Variants in PTPRO observed in about 807,000 individuals in gnomAD.
PTPRO encodes receptor-type tyrosine-protein phosphatase O.
Under a neutral mutation model 145.2 loss-of-function variants are expected in PTPRO, and 62 were observed. That is an observed-to-expected ratio of 0.43 (90% CI 0.35 to 0.53). The LOEUF is 0.53. Among genes scored for constraint, PTPRO ranks in the 20% least tolerant of loss-of-function variants. The probability of loss-of-function intolerance (pLI) is 0.01; values close to 1 mark genes in which losing one functional copy is unlikely to be tolerated. For synonymous variants in PTPRO, 565 were observed against 514.7 expected (o/e 1.10, Z -1.32); for missense variants, 1,345 against 1,482.7 (o/e 0.91, Z 1.53).
chr12:15,391,916 G>T (rs1332972895), intron 1 of PTPRO, among the ~76,000 whole-genome samples: 2 of 152,102 alleles, frequency 1.3e-5, no homozygotes, highest in African/African-American at 4.8e-5. Context: ...AGCTACTCCA[G>T]ACAGCACCAT....
chr12:15,487,592 C>T (rs186214206), intron 2 of PTPRO, among the ~76,000 whole-genome samples: 260 of 152,066 alleles, frequency 1.7e-3, no homozygotes, highest in African/African-American at 6.0e-3. Flanking sequence ...ATCCCCAGCC[C>T]CCCAGAGGGA....
At chr12:15,530,201 C>A (rs1389407816) in intron 12 of PTPRO, among the ~76,000 whole-genome samples, 1 of 151,962 alleles carries the variant, frequency 6.6e-6, no homozygotes, top group African/African-American at 2.4e-5. Context: ...ATCTATGCAC[C>A]CAACACTGGA....
chr12:15,409,704 T>G (rs939222307), intron 1 of PTPRO, among the ~76,000 whole-genome samples: 19 of 151,856 alleles, frequency 1.3e-4, no homozygotes, highest in Middle Eastern at 6.8e-3. Context: ...GAAGCTTACA[T>G]GTCACTTGGC....
chr12:15,449,043 C>T (rs1232135816), intron 1 of PTPRO, among the ~76,000 whole-genome samples: 4 of 151,576 alleles, frequency 2.6e-5, no homozygotes, highest in South Asian at 4.2e-4. Context: ...ACAAACGATT[C>T]GCAAATAGGG....
chr12:15,542,288 T>C (rs1943196063), intron 12 of PTPRO, among the ~76,000 whole-genome samples: 1 of 152,156 alleles, frequency 6.6e-6, no homozygotes, highest in African/African-American at 2.4e-5. Context: ...GAAGAAGAAT[T>C]ATCTTGGGCC....
At chr12:15,478,966 C>T (rs980475890) in intron 1 of PTPRO, among the ~76,000 whole-genome samples, 2 of 152,078 alleles carry the variant, frequency 1.3e-5, no homozygotes, top group Non-Finnish European at 2.9e-5. Flanking sequence ...CCACCAGGCC[C>T]GGCCATTAAA....
chr12:15,536,586 A>C (rs1288339870), intron 12 of PTPRO, among the ~76,000 whole-genome samples: 6 of 152,068 alleles, frequency 3.9e-5, no homozygotes, highest in Admixed American at 3.9e-4. Flanking sequence ...GAGTGAGATG[A>C]TTCTCCATTG....
At position 15,411,476 on chromosome 12, in the gene PTPRO, G is replaced by C. The variant is rs1268145664; in HGVS notation, c.76-72498G>C. Among the ~76,000 whole-genome samples the C allele has an allele frequency of 2.0e-5, 3 of 152,286 alleles. No individual in the cohort carries two copies. The East Asian group carries it at 5.8e-4, about 29-fold the overall frequency. ...GACATATGCCTTTTGCTTAGAATGG[G>C]AACAGAAAAGGTGAGACTGCCTCTA... On this transcript the variant is annotated intron_variant, in intron 1 of 26. Transcript: ENST00000281171.
chr12:15,386,004 C>G (rs1939016325), intron 1 of PTPRO, among the ~76,000 whole-genome samples: 1 of 151,664 alleles, frequency 6.6e-6, no homozygotes, highest in South Asian at 2.1e-4. Context: ...GGTTATGGAG[C>G]CAGAAATCAC....
chr12:15,408,511 T>C (rs1358266276), intron 1 of PTPRO, among the ~76,000 whole-genome samples: 1 of 152,168 alleles, frequency 6.6e-6, no homozygotes, highest in Non-Finnish European at 1.5e-5. Context: ...CACTGCAAAC[T>C]CCGCCTCCTG....
At chr12:15,517,142 T>G in intron 9 of PTPRO, 186 bp downstream of exon 9, 1 of 677,664 alleles carries the variant, frequency 1.5e-6, no homozygotes, top group East Asian at 2.7e-5. Context: ...AAGAAAGAAG[T>G]TTAATTGGAC....
chr12:15,438,246 G>C (rs1016390501), intron 1 of PTPRO, among the ~76,000 whole-genome samples: 1 of 152,084 alleles, frequency 6.6e-6, no homozygotes, highest in African/African-American at 2.4e-5. Context: ...AAAATTAGAA[G>C]TGCCAGTGTC....
chr12:15,481,523 C>T (rs917155740), intron 1 of PTPRO, among the ~76,000 whole-genome samples: 1 of 152,160 alleles, frequency 6.6e-6, no homozygotes, highest in Non-Finnish European at 1.5e-5. Flanking sequence ...ATTCTCAATG[C>T]CTATCTCATA....
chr12:15,374,533 A>T (rs1283761792), intron 1 of PTPRO, among the ~76,000 whole-genome samples: 1 of 152,160 alleles, frequency 6.6e-6, no homozygotes, highest in Non-Finnish European at 1.5e-5. Flanking sequence ...GGAGCACTGG[A>T]GGGGGCAGTC....
At chr12:15,450,405 C>G (rs1003974650) in intron 1 of PTPRO, among the ~76,000 whole-genome samples, 46 of 152,182 alleles carry the variant, frequency 3.0e-4, no homozygotes, top group African/African-American at 1.1e-3. Flanking sequence ...AATGATTTGA[C>G]TACTTTATAG....
In PTPRO at chr12:15,487,167, G is replaced by A. The variant is rs185236080; in HGVS notation, c.349+2920G>A. Reference sequence around the variant, plus strand: ...GGGACAGAGGATGTTCTTCGTTCTCGTGGTCCAGCCTCAGGCTTAGGCAGA... The same window carrying A: ...GGGACAGAGGATGTTCTTCGTTCTCATGGTCCAGCCTCAGGCTTAGGCAGA... On this transcript the variant is annotated intron_variant, in intron 2 of 26. Coordinates refer to ENST00000281171, the MANE Select transcript of PTPRO (RefSeq NM_030667.3). 5.3e-5 allele frequency among the ~76,000 whole-genome samples: 8 copies of A among 152,200 alleles called. No homozygotes were observed. In the East Asian group the frequency reaches 1.5e-3, roughly 29 times the overall value.
intron 2 of PTPRO, among the ~76,000 whole-genome samples, chr12:15,493,054 C>T (rs1046549206): frequency 6.6e-6 from 1 of 151,970 alleles, no homozygotes; most frequent in Non-Finnish European, 1.5e-5. Flanking sequence ...CATCAGATTA[C>T]TAAGGCTGAA....
rs904982150 is a variant in PTPRO at position 15,526,833 on chromosome 12, A to G, written c.2164+571A>G. Among the ~76,000 whole-genome samples the G allele has an allele frequency of 2.6e-5, 4 of 152,232 alleles. No individual in the cohort carries two copies. The South Asian group carries it at 8.3e-4, about 32-fold the overall frequency. On this transcript the variant is annotated intron_variant, in intron 12 of 26. Transcript: ENST00000281171. ...AATTAAAATGAATAAGTTGGGGTTT[A>G]TAAGAAATAAAAAGATCATTAGTCC... is the stretch of plus-strand genomic sequence containing the variant.
rs1279558195 is a variant in PTPRO, at chr12:15,515,998, T to G, written c.1585+380T>G. Among the ~76,000 whole-genome samples, 37 of 139,934 alleles carry G rather than the reference T, an allele frequency of 2.6e-4. 1 individual carries two copies. In the Middle Eastern group the frequency reaches 0.011, roughly 40 times the overall value. 91.8% of individuals were successfully genotyped at this position (139,934 alleles called of 152,430 possible). A position where few individuals can be genotyped will look rare whatever the true frequency, so the allele number is the denominator to read the frequency against. On this transcript the variant is annotated intron_variant, in intron 8 of 26. Transcript: ENST00000281171. Reference sequence around the variant, plus strand: ...CTGGTTTTTTTTTTGTTTTGTTTTTTTTTTTTTTTGGAGACAGAGTCTCGC... The same window carrying G: ...CTGGTTTTTTTTTTGTTTTGTTTTTGTTTTTTTTTGGAGACAGAGTCTCGC...
Sources: allele counts gnomAD v4.1 joint callset (sites outside exome capture counted in the v4.1 genomes callset), GRCh38; gene constraint gnomAD v4.1.1; transcripts MANE v1.5; gene names NCBI Gene and HGNC (gene_info 2026-07-23, HGNC 2026-07-21).